Variants in NEK11 observed in about 807,000 individuals in gnomAD.
The protein encoded by NEK11 is NIMA related kinase 11.
A neutral mutation model predicts 80.7 loss-of-function variants in NEK11; 72 were observed. The observed-to-expected ratio is 0.89, with a 90% CI of 0.74 to 1.08. The LOEUF is 1.08. Ranked by LOEUF, NEK11 falls within the 50% of genes least tolerant of loss-of-function variation. NEK11 has a pLI of 0.00. For missense variants in NEK11, 764 were observed against 763.6 expected (o/e 1.00, Z -0.01); for synonymous variants, 251 against 260.7 (o/e 0.96, Z 0.36).
At chr3:131,284,773 A>G (rs2096450336) in intron 17 of NEK11, among the ~76,000 whole-genome samples, 2 of 152,174 alleles carry the variant, frequency 1.3e-5, no homozygotes, top group Non-Finnish European at 2.9e-5. Flanking sequence ...TCAGACTCCA[A>G]GTTCTTCAGC....
At chr3:131,322,595 G>A (rs917253753) in intron 17 of NEK11, among the ~76,000 whole-genome samples, 1 of 152,176 alleles carries the variant, frequency 6.6e-6, no homozygotes, top group Non-Finnish European at 1.5e-5. Context: ...ACTCTAATGT[G>A]TATATGAAGA....
At chr3:131,214,323 A>G (rs1351258746) in intron 14 of NEK11, among the ~76,000 whole-genome samples, 1 of 152,146 alleles carries the variant, frequency 6.6e-6, no homozygotes, top group African/African-American at 2.4e-5. Context: ...TAAGACACCT[A>G]AGGCCTGGGA....
Position 131,066,283 on chromosome 3 carries a change from C to T in NEK11, c.171-14140C>T, listed in dbSNP as rs551695565. On this transcript the variant is annotated intron_variant, in intron 3 of 17. Coordinates refer to ENST00000383366, the MANE Select transcript of NEK11 (RefSeq NM_024800.5). ...ATCAGCAGTTCTTCAATATTGCCAG[C>T]AATTTGTGTCAGGATTATTGCTGTA... Among the ~76,000 whole-genome samples the T allele has an allele frequency of 4.9e-4, 74 of 152,180 alleles. 1 individual carries two copies. In the South Asian group the frequency reaches 0.014, roughly 29 times the overall value.
intron 17 of NEK11, among the ~76,000 whole-genome samples, chr3:131,310,998 CCT>C (rs1296867813): frequency 6.6e-6 from 1 of 152,104 alleles, no homozygotes; most frequent in Non-Finnish European, 1.5e-5. Context: ...GCTATTTTCC[CCT>C]CTCATAACTC....
intron 14 of NEK11, among the ~76,000 whole-genome samples, chr3:131,214,346 T>C (rs2094741164): frequency 2.0e-5 from 3 of 152,208 alleles, no homozygotes; most frequent in Admixed American, 1.3e-4. Flanking sequence ...TTAAACCAGT[T>C]GCCTAAAGTC....
chr3:131,324,437 T>C (rs556974014), intron 17 of NEK11, among the ~76,000 whole-genome samples: 1 of 152,374 alleles, frequency 6.6e-6, no homozygotes, highest in South Asian at 2.1e-4. Context: ...TTATGCTCTA[T>C]TTTCTCCTTT....
At chr3:131,048,327 T>G (rs2067761773) in intron 3 of NEK11, among the ~76,000 whole-genome samples, 1 of 152,164 alleles carries the variant, frequency 6.6e-6, no homozygotes, top group Non-Finnish European at 1.5e-5. Context: ...CTGCGTTTGG[T>G]CAAAATGGTT....
intron 14 of NEK11, among the ~76,000 whole-genome samples, chr3:131,206,411 A>G (rs2094441661): frequency 6.6e-6 from 1 of 152,234 alleles, no homozygotes; most frequent in Non-Finnish European, 1.5e-5. Context: ...TAGCTTTAAC[A>G]TTTAAAAAAT....
At chr3:131,216,499 T>A (rs1249354367) in intron 14 of NEK11, among the ~76,000 whole-genome samples, 1 of 152,232 alleles carries the variant, frequency 6.6e-6, no homozygotes, top group African/African-American at 2.4e-5. Context: ...TAGGAGATGA[T>A]TGCAGAGCTG....
intron 3 of NEK11, among the ~76,000 whole-genome samples, chr3:131,043,739 A>C (rs1469783119): frequency 1.3e-5 from 2 of 152,228 alleles, no homozygotes; most frequent in Admixed American, 6.5e-5. Flanking sequence ...ACAGGCCAAC[A>C]TTCAAATTCA....
chr3:131,207,173 T>C (rs1560968174), intron 14 of NEK11, among the ~76,000 whole-genome samples: 1 of 152,220 alleles, frequency 6.6e-6, no homozygotes, highest in East Asian at 1.9e-4. Context: ...ATCCTTTGAG[T>C]ATATACCCAG....
At chr3:131,113,913 A>G (rs78461255) in intron 5 of NEK11, among the ~76,000 whole-genome samples, 1 of 141,196 alleles carries the variant, frequency 7.1e-6, no homozygotes, top group Non-Finnish European at 1.5e-5. Context: ...TCCCTCTCAA[A>G]AAAAAAAAAA....
At chr3:131,272,106 AAAG>A (rs200576497) in intron 16 of NEK11, among the ~76,000 whole-genome samples, 1,640 of 152,284 alleles carry the variant, frequency 0.011, 25 homozygotes, top group East Asian at 0.083. Flanking sequence ...GTCTCAAAAA[AAAG>A]AAGAAGAAAA....
chr3:131,080,355 C>A, intron 3 of NEK11, 68 bp from the exon 4 acceptor site: 1 of 1,183,964 alleles, frequency 8.4e-7, no homozygotes, highest in African/African-American at 1.5e-5. Context: ...TGGCTCTGTA[C>A]CACTTGATGA....
chr3:131,292,705 A>G (rs2109005100), intron 17 of NEK11, among the ~76,000 whole-genome samples: 1 of 152,164 alleles, frequency 6.6e-6, no homozygotes, highest in East Asian at 1.9e-4. Context: ...CTTGCCAATA[A>G]TAAGTCTTGT....
At chr3:131,259,917 A>G (rs11924985) in intron 16 of NEK11, among the ~76,000 whole-genome samples, 31,811 of 152,078 alleles carry the variant, frequency 0.21, 6,572 homozygotes, top group African/African-American at 0.53. Flanking sequence ...GTGAGGCAGT[A>G]CAGAGACTAC....
intron 14 of NEK11, 151 bp from the exon 15 acceptor site, chr3:131,228,377 A>G (rs1378146257): frequency 7.2e-6 from 4 of 557,578 alleles, no homozygotes; most frequent in Middle Eastern, 5.1e-4. Flanking sequence ...CATTCAACCA[A>G]ATACTTCCAG....
chr3:131,213,532 A>G (rs2094705702), intron 14 of NEK11, among the ~76,000 whole-genome samples: 1 of 152,240 alleles, frequency 6.6e-6, no homozygotes, highest in Non-Finnish European at 1.5e-5. Flanking sequence ...AGAAAAAAGT[A>G]AAAGAGAGGA....
intron 14 of NEK11, among the ~76,000 whole-genome samples, chr3:131,224,361 G>A (rs965598998): frequency 1.4e-4 from 22 of 151,926 alleles, no homozygotes; most frequent in African/African-American, 4.1e-4. Flanking sequence ...CCAGTTAGCC[G>A]GGACCACAGG....
Sources: gnomAD v4.1 joint callset for allele counts (sites outside exome capture counted in the v4.1 genomes callset) on GRCh38, gnomAD v4.1.1 for gene constraint, MANE v1.5 for transcripts, NCBI Gene and HGNC (gene_info 2026-07-23, HGNC 2026-07-21) for gene names.